WWTR1: variants seen among roughly 807,000 people sequenced by gnomAD.
WWTR1 encodes the protein WW domain containing transcription regulator 1.
In WWTR1, 13 loss-of-function variants were observed where a neutral mutation model predicts 40.1. The observed-to-expected ratio is 0.32, with a 90% CI of 0.21 to 0.52. The LOEUF (loss-of-function observed/expected upper bound fraction) is 0.52. Among genes scored for constraint, WWTR1 ranks in the 20% least tolerant of loss-of-function variants. The pLI, the probability that WWTR1 is intolerant of heterozygous loss-of-function variation, is 0.97. For synonymous variants in WWTR1, 230 were observed against 210.1 expected, an observed-to-expected ratio of 1.09 and a Z score of -0.82; for missense variants, 436 against 523.1, an observed-to-expected ratio of 0.83 and a Z score of 1.63.
At chr3:149,671,909 A>G (rs1406423568) in intron 1 of WWTR1, among the ~76,000 whole-genome samples, 1 of 152,188 alleles carries the variant, frequency 6.6e-6, no homozygotes, top group East Asian at 1.9e-4. Flanking sequence ...CCAGCATGTA[A>G]CTGCTCAACA....
At chr3:149,566,980 A>G (rs1408846746) in intron 3 of WWTR1, among the ~76,000 whole-genome samples, 1 of 152,102 alleles carries the variant, frequency 6.6e-6, no homozygotes, top group Non-Finnish European at 1.5e-5. Context: ...TATAGTATTG[A>G]AAATACACTC....
chr3:149,588,495 G>C (rs184191926), intron 2 of WWTR1, among the ~76,000 whole-genome samples: 1 of 152,298 alleles, frequency 6.6e-6, no homozygotes, highest in African/African-American at 2.4e-5. Flanking sequence ...TATGATGATA[G>C]AATGGTTAAA....
chr3:149,670,754 C>CT (rs978888978), intron 1 of WWTR1: 59 of 152,018 alleles, frequency 3.9e-4, no homozygotes, highest in African/African-American at 1.4e-3. Context: ...AGTCAATTCT[C>CT]TTTTTTTACT....
chr3:149,544,945 C>A (rs924121561), intron 3 of WWTR1, among the ~76,000 whole-genome samples: 6 of 152,106 alleles, frequency 3.9e-5, no homozygotes, highest in Non-Finnish European at 8.8e-5. Flanking sequence ...TTAGGTTTCC[C>A]CCTTAGAATT....
At chr3:149,686,588 G>C (rs1163287608) in intron 1 of WWTR1, among the ~76,000 whole-genome samples, 2 of 152,032 alleles carry the variant, frequency 1.3e-5, no homozygotes, top group African/African-American at 2.4e-5. Context: ...AGACCTCCTA[G>C]GCAACTTTTC....
intron 2 of WWTR1, among the ~76,000 whole-genome samples, chr3:149,589,084 G>A (rs1309049707): frequency 6.6e-6 from 1 of 152,166 alleles, no homozygotes; most frequent in Non-Finnish European, 1.5e-5. Context: ...AGACACAGGA[G>A]CTGCCCTCTC....
At chr3:149,578,233 T>C (rs1237287815) in intron 2 of WWTR1, among the ~76,000 whole-genome samples, 2 of 152,108 alleles carry the variant, frequency 1.3e-5, no homozygotes, top group African/African-American at 2.4e-5. Context: ...CCGGGTTTAA[T>C]ATTAGCTCTG....
chr3:149,542,026 A>G (rs1056926515), intron 4 of WWTR1, among the ~76,000 whole-genome samples: 1 of 152,172 alleles, frequency 6.6e-6, no homozygotes, highest in East Asian at 1.9e-4. Flanking sequence ...ATTTTGGGAT[A>G]ATTTGTTACA....
intron 5 of WWTR1, among the ~76,000 whole-genome samples, chr3:149,713,523 G>C (rs1040346604): frequency 6.6e-6 from 1 of 152,046 alleles, no homozygotes; most frequent in African/African-American, 2.4e-5. Flanking sequence ...TGGGATTACA[G>C]GTACCCGCCA....
chr3:149,585,240 C>CT (rs1318665422), intron 2 of WWTR1, among the ~76,000 whole-genome samples: 2 of 151,872 alleles, frequency 1.3e-5, no homozygotes, highest in African/African-American at 4.8e-5. Context: ...TCAAGTGATT[C>CT]TTTTGCCTCA....
chr3:149,594,951 T>TTTTC (rs1738918069), intron 2 of WWTR1, among the ~76,000 whole-genome samples: 4 of 55,468 alleles, frequency 7.2e-5, no homozygotes, highest in African/African-American at 4.6e-4. Flanking sequence ...TCTTTTTTAC[T>TTTTC]TTTTTTTTTT....
intron 1 of WWTR1, among the ~76,000 whole-genome samples, chr3:149,686,205 A>G (rs923604212): frequency 1.2e-4 from 18 of 152,178 alleles, no homozygotes; most frequent in Admixed American, 1.3e-4. Flanking sequence ...AGTTTGTTCT[A>G]TCTCTGCTCT....
chr3:149,677,977 G>T (rs1714327742), intron 1 of WWTR1, among the ~76,000 whole-genome samples: 1 of 151,692 alleles, frequency 6.6e-6, no homozygotes. Flanking sequence ...CACCATGTTG[G>T]CCAGGCTGAT....
chr3:149,554,005 C>G (rs1435785745), intron 3 of WWTR1, among the ~76,000 whole-genome samples: 1 of 152,112 alleles, frequency 6.6e-6, no homozygotes, highest in Non-Finnish European at 1.5e-5. Flanking sequence ...AACAATGAGC[C>G]GCTTGTTTCT....
At chr3:149,551,459 C>T (rs1214628261) in intron 3 of WWTR1, among the ~76,000 whole-genome samples, 1 of 145,880 alleles carries the variant, frequency 6.9e-6, no homozygotes, top group African/African-American at 2.6e-5. Flanking sequence ...GTGTTTAATT[C>T]AGTTTGATAT....
chr3:149,656,783 T>TCACACA (rs1393422646), intron 2 of WWTR1, 93 bp downstream of exon 2: 154 of 892,766 alleles, frequency 1.7e-4, no homozygotes, highest in East Asian at 8.7e-4. Flanking sequence ...TCTCTCTCTC[T>TCACACA]CTCTCTCTCA....
intron 2 of WWTR1, among the ~76,000 whole-genome samples, chr3:149,640,331 T>C (rs1041030210): frequency 1.3e-5 from 2 of 152,038 alleles, no homozygotes; most frequent in African/African-American, 4.8e-5. Flanking sequence ...TTAAAGAACT[T>C]TTTGAAAGTT....
At chr3:149,671,413 G>T (rs1005270543) in intron 1 of WWTR1, among the ~76,000 whole-genome samples, 32 of 152,154 alleles carry the variant, frequency 2.1e-4, no homozygotes, top group African/African-American at 7.5e-4. Context: ...TTCAAAAGAG[G>T]TTTGGTTCTG....
chr3:149,640,852 A>G (rs1199674973), intron 2 of WWTR1, among the ~76,000 whole-genome samples: 1 of 152,248 alleles, frequency 6.6e-6, no homozygotes, highest in African/African-American at 2.4e-5. Context: ...AGCTATCACT[A>G]AAACATGATG....
Sources: gnomAD v4.1 joint callset for allele counts (sites outside exome capture counted in the v4.1 genomes callset) on GRCh38, gnomAD v4.1.1 for gene constraint, MANE v1.5 for transcripts, NCBI Gene and HGNC (gene_info 2026-07-23, HGNC 2026-07-21) for gene names.